The following FRMPD4 variants were observed in gnomAD, a reference collection of about 807,000 sequenced individuals.
FRMPD4 encodes the protein FERM and PDZ domain containing 4.
A neutral mutation model predicts 94.1 loss-of-function variants in FRMPD4; 22 were observed. The observed-to-expected ratio is 0.23, with a 90% CI of 0.17 to 0.33. The LOEUF is 0.33. FRMPD4 is among the 10% of genes least tolerant of loss of function. The pLI, the probability that FRMPD4 is intolerant of heterozygous loss-of-function variation, is 1.00. For synonymous variants in FRMPD4, 631 were observed against 548.6 expected (o/e 1.15, Z -2.10); for missense variants, 1,111 against 1,339.9 (o/e 0.83, Z 2.67).
chrX:12,460,084 T>C (rs139601023), intron 1 of FRMPD4, among the ~76,000 whole-genome samples: 40 of 112,209 alleles, frequency 3.6e-4, no homozygotes, highest in African/African-American at 1.2e-3. Context: ...AAATGTCTGA[T>C]CAAATATTTT....
At chrX:12,227,670 A>G (rs983914169) in intron 1 of FRMPD4, among the ~76,000 whole-genome samples, 2 of 111,221 alleles carry the variant, frequency 1.8e-5, no homozygotes, top group African/African-American at 6.5e-5. Context: ...GTGTGATGGC[A>G]TGTGCCTGTG....
At chrX:11,903,840 C>T (rs1398535917) in intron 3 of FRMPD4, among the ~76,000 whole-genome samples, 1 of 111,809 alleles carries the variant, frequency 8.9e-6, no homozygotes, top group East Asian at 2.8e-4. Flanking sequence ...AGTGCAGTAG[C>T]GTGATCATGG....
intron 3 of FRMPD4, among the ~76,000 whole-genome samples, chrX:11,892,159 A>G (rs1350780515): frequency 1.8e-5 from 2 of 112,252 alleles, no homozygotes; most frequent in African/African-American, 6.5e-5. Context: ...TTAGTTGGTC[A>G]GAAATGACGC....
intron 3 of FRMPD4, among the ~76,000 whole-genome samples, chrX:11,972,856 A>G (rs1199605886): frequency 3.5e-5 from 4 of 112,757 alleles, no homozygotes; most frequent in African/African-American, 1.3e-4. Context: ...GTGAGTGAGT[A>G]TACAAGAATA....
chrX:12,038,066 T>C (rs1035035498), intron 3 of FRMPD4, among the ~76,000 whole-genome samples: 2 of 112,279 alleles, frequency 1.8e-5, no homozygotes, highest in Non-Finnish European at 3.8e-5. Context: ...TTTTGACTAA[T>C]AGTGAATAAA....
intron 3 of FRMPD4, among the ~76,000 whole-genome samples, chrX:11,922,699 G>A (rs1323096947): frequency 2.7e-5 from 3 of 112,720 alleles, no homozygotes; most frequent in African/African-American, 6.4e-5. Context: ...GGCAGGAAGA[G>A]CTGCTTAGAG....
chrX:11,876,843 C>G (rs926339877), intron 2 of FRMPD4, among the ~76,000 whole-genome samples: 1 of 112,413 alleles, frequency 8.9e-6, no homozygotes, highest in African/African-American at 3.2e-5. Context: ...GGGTCTATAG[C>G]AGTGGTTTCA....
At chrX:12,711,047 TCAC>T (rs747632968) in intron 14 of FRMPD4, among the ~76,000 whole-genome samples, 25 of 112,630 alleles carry the variant, frequency 2.2e-4, no homozygotes, top group Admixed American at 1.9e-3. Context: ...TGCTGATTTC[TCAC>T]CACATTTGAC....
chrX:12,350,468 C>T (rs1369735049), intron 1 of FRMPD4, among the ~76,000 whole-genome samples: 1 of 111,899 alleles, frequency 8.9e-6, no homozygotes, highest in Non-Finnish European at 1.9e-5. Context: ...TCATAGGGGT[C>T]TAACATCTGC....
intron 16 of FRMPD4, among the ~76,000 whole-genome samples, chrX:12,719,107 A>G (rs1218511706): frequency 8.9e-6 from 1 of 112,575 alleles, no homozygotes; most frequent in Non-Finnish European, 1.9e-5. Context: ...ATATGATAGT[A>G]TTGCTTAGAG....
intron 1 of FRMPD4, among the ~76,000 whole-genome samples, chrX:11,831,807 G>C (rs773516446): frequency 2.7e-5 from 3 of 111,809 alleles, no homozygotes; most frequent in Non-Finnish European, 5.6e-5. Flanking sequence ...AATACCAAGA[G>C]AAATAAGGAT....
At chrX:12,454,605 AAAAG>A (rs1286021379) in intron 1 of FRMPD4, among the ~76,000 whole-genome samples, 1 of 110,382 alleles carries the variant, frequency 9.1e-6, no homozygotes, top group Non-Finnish European at 1.9e-5. Context: ...GTTTACAACA[AAAAG>A]AGAGAAGCAA....
chrX:12,544,028 T>C (rs1202541489), intron 2 of FRMPD4, among the ~76,000 whole-genome samples: 1 of 103,299 alleles, frequency 9.7e-6, no homozygotes, highest in African/African-American at 3.6e-5. Flanking sequence ...CAGGTGGGAA[T>C]TGAACAATGA....
In FRMPD4 at chrX:12,320,259, T is replaced by C. The variant is rs2055187909; in HGVS notation, c.42-178421T>C. Reference sequence around the variant, plus strand: ...TTAGTTAATTTACACTGCCAGGTACTGTTCTCATTTTACAAATGAGGGAAA... The same window carrying C: ...TTAGTTAATTTACACTGCCAGGTACCGTTCTCATTTTACAAATGAGGGAAA... On this transcript the variant is annotated intron_variant, in intron 1 of 16. Transcript: ENST00000675598. Among the ~76,000 whole-genome samples, 5 of 111,712 alleles carry C rather than the reference T, an allele frequency of 4.5e-5. No individual in the cohort carries two copies. In the Admixed American group the frequency reaches 4.8e-4, roughly 11 times the overall value.
chrX:12,205,455 T>G (rs1287546924), intron 1 of FRMPD4, among the ~76,000 whole-genome samples: 2 of 112,273 alleles, frequency 1.8e-5, no homozygotes, highest in Non-Finnish European at 3.8e-5. Context: ...TATTTTTATC[T>G]GAAGAAATTG....
rs202235290 is a variant in FRMPD4 at position 12,172,260 on chromosome X, GA to G, written c.41+33261del. ...TTTAGTTTCTGTCTCTAGTGATAAG[GA>G]AAAAAAAAAAAAGGGATAAGGAAAG... On this transcript the variant is annotated intron_variant, in intron 1 of 16. Coordinates refer to ENST00000675598, the MANE Select transcript of FRMPD4 (RefSeq NM_001368397.1). Among the ~76,000 whole-genome samples the G allele has an allele frequency of 4.4e-3, 417 of 94,592 alleles. 3 individuals are homozygous for G. Among genetic ancestry groups the G allele is most frequent in the East Asian group, 0.028 (87 of 3,053 alleles). 82.1% of individuals were successfully genotyped at this position (94,592 alleles called of 115,157 possible). A position where few individuals can be genotyped will look rare whatever the true frequency, so the allele number is the denominator to read the frequency against.
intron 1 of FRMPD4, among the ~76,000 whole-genome samples, chrX:12,417,962 C>A (rs1379356502): frequency 7.1e-5 from 7 of 98,827 alleles, no homozygotes; most frequent in African/African-American, 2.3e-4. Flanking sequence ...CCACTGCACT[C>A]CAGCCTGGGC....
intron 1 of FRMPD4, among the ~76,000 whole-genome samples, chrX:12,264,046 C>T (rs888738016): frequency 5.8e-4 from 65 of 111,245 alleles, no homozygotes; most frequent in African/African-American, 1.9e-3. Flanking sequence ...GTTGCCAACA[C>T]GTGCTTTTGG....
intron 2 of FRMPD4, among the ~76,000 whole-genome samples, chrX:12,598,886 C>T (rs1408022047): frequency 2.7e-5 from 3 of 111,530 alleles, no homozygotes; most frequent in Non-Finnish European, 3.8e-5. Flanking sequence ...AAATTATTTA[C>T]GTAAAGATTA....
Sources: allele counts gnomAD v4.1 joint callset (sites outside exome capture counted in the v4.1 genomes callset), GRCh38; gene constraint gnomAD v4.1.1; transcripts MANE v1.5; gene names NCBI Gene and HGNC (gene_info 2026-07-23, HGNC 2026-07-21).